TCTN1: variants seen among roughly 807,000 people sequenced by gnomAD.
TCTN1 encodes tectonic family member 1.
A neutral mutation model predicts 65.8 loss-of-function variants in TCTN1; 58 were observed. The observed-to-expected ratio is 0.88, with a 90% CI of 0.71 to 1.10. TCTN1 has a LOEUF of 1.10. Ranked by LOEUF, TCTN1 falls within the 50% of genes least tolerant of loss-of-function variation. The pLI, the probability that TCTN1 is intolerant of heterozygous loss-of-function variation, is 0.00. For synonymous variants in TCTN1, 273 were observed against 289.1 expected, an observed-to-expected ratio of 0.94 and a Z score of 0.57; for missense variants, 645 against 719.4, an observed-to-expected ratio of 0.90 and a Z score of 1.18.
At chr12:110,636,252 T>C (rs925572735) in intron 6 of TCTN1, 2 of 470,754 alleles carry the variant, frequency 4.2e-6, no homozygotes, top group African/African-American at 3.9e-5. Flanking sequence ...TTGGTGAGCT[T>C]CTACCTGGAG....
At chr12:110,616,410 A>G (rs2065039597) in intron 1 of TCTN1, 1 of 287,068 alleles carries the variant, frequency 3.5e-6, no homozygotes, top group African/African-American at 2.2e-5. Flanking sequence ...GCATGCCACC[A>G]CGCCCGGCTA....
intron 1 of TCTN1, among the ~76,000 whole-genome samples, chr12:110,617,571 C>A (rs2065129901): frequency 6.6e-6 from 1 of 151,510 alleles, no homozygotes; most frequent in African/African-American, 2.4e-5. Context: ...AGGGGATCCA[C>A]TCTTCTCAGC....
chr12:110,635,882 C>T (rs1437372336), intron 6 of TCTN1: 3 of 153,436 alleles, frequency 2.0e-5, no homozygotes, highest in African/African-American at 7.2e-5. Context: ...CTTGAGCTCA[C>T]AGTTGTCTTG....
chr12:110,649,351 C>T lies in TCTN1; in HGVS notation c.*310C>T. 1 of 1,409,444 alleles carries T rather than the reference C, an allele frequency of 7.1e-7. No homozygotes were observed. Among genetic ancestry groups the T allele is most frequent in the Non-Finnish European group, 1.0e-6 (1 of 1,003,180 alleles). 87.3% of individuals were successfully genotyped at this position (1,409,444 alleles called of 1,614,324 possible). A position where few individuals can be genotyped will look rare whatever the true frequency, so the allele number is the denominator to read the frequency against. ...CGGCCCAGGAGGGGCAGCTGTTCCTCTCGTGACAGCACAGGCCCATGAGAC... is the reference window on the plus strand; with the variant it reads ...CGGCCCAGGAGGGGCAGCTGTTCCTTTCGTGACAGCACAGGCCCATGAGAC... On this transcript the variant is annotated 3_prime_UTR_variant, in exon 15 of 15. Transcript: ENST00000397659.
Position 110,632,460 on chromosome 12 carries a change from T to G in TCTN1, c.625-12T>G. 6.2e-7 allele frequency: 1 copy of G among 1,613,702 alleles called. No homozygotes were observed. The highest frequency in any genetic ancestry group is 8.5e-7 in the Non-Finnish European group (1 of 1,179,666). On this transcript the variant is annotated splice_polypyrimidine_tract_variant and intron_variant, in intron 4 of 14. Coordinates refer to ENST00000397659, the MANE Select transcript of TCTN1 (RefSeq NM_001082538.3). The stretch of plus-strand genomic sequence containing the variant: ...ATTACACCATAACGACTGTTGGTTG[T>G]TGTGTTTGCAGTATGGGGTTCCTCT...
At position 110,620,243 on chromosome 12, in the gene TCTN1, T is replaced by TA. The variant is rs374982642; in HGVS notation, c.341+292dup. ...TAACACGGTGAAACCCCGTCTCTACTAAAAATCCAAAAAAATTAGCCGGGC... is the reference window on the plus strand; with the variant it reads ...TAACACGGTGAAACCCCGTCTCTACTAAAAAATCCAAAAAAATTAGCCGGGC... On this transcript the variant is annotated intron_variant, in intron 2 of 14. Transcript: ENST00000397659. 5.5e-3 allele frequency among the ~76,000 whole-genome samples: 843 copies of TA among 152,094 alleles called. 9 individuals are homozygous for TA. Among genetic ancestry groups the TA allele is most frequent in the South Asian group, 0.016 (77 of 4,810 alleles).
chr12:110,620,814 T>C (rs1388120892), intron 2 of TCTN1, among the ~76,000 whole-genome samples: 2 of 151,028 alleles, frequency 1.3e-5, no homozygotes, highest in Non-Finnish European at 1.5e-5. Flanking sequence ...AGGCTTCTTT[T>C]TTTTTTTTTT....
At chr12:110,624,229 T>G (rs544277351) in intron 2 of TCTN1, among the ~76,000 whole-genome samples, 1 of 151,752 alleles carries the variant, frequency 6.6e-6, no homozygotes, top group East Asian at 1.9e-4. Context: ...GCCTCTATGT[T>G]TTTTTGAGAT....
intron 4 of TCTN1, 81 bp from the exon 5 acceptor site, chr12:110,632,391 T>G: frequency 7.0e-7 from 1 of 1,433,224 alleles, no homozygotes; most frequent in East Asian, 2.3e-5. Context: ...GCAGTGCTGC[T>G]TGGCACATTG....
chr12:110,618,590 GTCTCAAAC>G (rs1368113015), intron 1 of TCTN1, among the ~76,000 whole-genome samples: 1 of 152,022 alleles, frequency 6.6e-6, no homozygotes, highest in Non-Finnish European at 1.5e-5. Flanking sequence ...GGCCAGGGCA[GTCTCAAAC>G]TCCTGACCTC....
intron 3 of TCTN1, among the ~76,000 whole-genome samples, chr12:110,626,734 C>CA (rs2065870154): frequency 6.7e-6 from 1 of 149,410 alleles, no homozygotes; most frequent in African/African-American, 2.5e-5. Context: ...TGCCTGCCAC[C>CA]ATGCCTGGAT....
At chr12:110,627,942 T>G (rs1300811446) in intron 3 of TCTN1, 26 of 1,148,596 alleles carry the variant, frequency 2.3e-5, no homozygotes, top group Non-Finnish European at 2.7e-5. Flanking sequence ...AGATGCTCTG[T>G]GTGATTTGTA....
chr12:110,648,834 G>C (rs1436148325), intron 14 of TCTN1: 1 of 361,928 alleles, frequency 2.8e-6, no homozygotes, highest in Non-Finnish European at 5.3e-6. Context: ...TTATACAGTA[G>C]TTGTACAGTA....
chr12:110,626,619 AC>A, intron 3 of TCTN1, 127 bp downstream of exon 3: 1 of 1,009,400 alleles, frequency 9.9e-7, no homozygotes, highest in Non-Finnish European at 1.4e-6. Context: ...TTGCTCTGTC[AC>A]CCAGGCTGGC....
chr12:110,648,925 AG>A, intron 14 of TCTN1, 117 bp from the exon 15 acceptor site: 1 of 414,542 alleles, frequency 2.4e-6, no homozygotes, highest in Non-Finnish European at 4.6e-6. Flanking sequence ...CACACAGAGG[AG>A]GGGCCTGGGT....
Position 110,632,492 on chromosome 12 carries a change from T to G in TCTN1, c.645T>G (p.Thr215=), listed in dbSNP as rs2066300846. The G allele has an allele frequency of 9.3e-6, 15 of 1,614,060 alleles. No homozygotes were observed. The highest frequency in any genetic ancestry group is 1.2e-5 in the Non-Finnish European group (14 of 1,179,946). ...AKYEYGVPLQ[T]SDSFLRFPSS... The stretch of plus-strand genomic sequence containing the variant: ...TGCAGTATGGGGTTCCTCTGCAGAC[T>G]TCAGATTCGTTTCTGAGATTTCCTT... The change falls in exon 5 of 15, where the codon ACT becomes ACG. Residue 215 remains threonine, a synonymous_variant. Coordinates refer to ENST00000397659, the MANE Select transcript of TCTN1 (RefSeq NM_001082538.3).
At chr12:110,641,218 A>G (rs568774289) in intron 9 of TCTN1, 69 bp downstream of exon 9, 3 of 1,597,762 alleles carry the variant, frequency 1.9e-6, no homozygotes, top group East Asian at 4.5e-5. Flanking sequence ...TTCTCAGTGG[A>G]TAAAACTGAA....
At chr12:110,636,325 T>G in intron 6 of TCTN1, 156 bp from the exon 7 acceptor site, 1 of 582,770 alleles carries the variant, frequency 1.7e-6, no homozygotes, top group East Asian at 3.2e-5. Flanking sequence ...TTCAAACACA[T>G]GCAGATGGGG....
At position 110,640,275 on chromosome 12, in the gene TCTN1, C is replaced by G. The variant is rs1010624173; in HGVS notation, c.844-108C>G. The G allele has an allele frequency of 7.5e-7, 1 of 1,327,066 alleles. No homozygotes were observed. Among genetic ancestry groups the G allele is most frequent in the African/African-American group, 1.4e-5 (1 of 69,276 alleles). 82.2% of individuals were successfully genotyped at this position (1,327,066 alleles called of 1,614,324 possible). The stretch of plus-strand genomic sequence containing the variant: ...TATACACTGTTGTGTAGCATGCTTC[C>G]CCCTACTTGGCCATATATCAGGGGA... On this transcript the variant is annotated intron_variant, in intron 7 of 14. Transcript: ENST00000397659. This position sits in a 1 kb window ranked among gnomAD's most constrained non-coding sequence, Gnocchi z 4.9.
Sources: allele counts gnomAD v4.1 joint callset (sites outside exome capture counted in the v4.1 genomes callset), GRCh38; gene constraint gnomAD v4.1.1; non-coding constraint Gnocchi (gnomAD v3.1); transcripts MANE v1.5; gene names NCBI Gene and HGNC (gene_info 2026-07-23, HGNC 2026-07-21).